The following ADTRP variants were observed in gnomAD, a reference collection of about 807,000 sequenced individuals.
ADTRP encodes androgen-dependent TFPI-regulating protein.
A neutral mutation model predicts 27.0 loss-of-function variants in ADTRP; 20 were observed. That is an observed-to-expected ratio of 0.74 (90% confidence interval 0.52 to 1.08). ADTRP has a LOEUF of 1.08. ADTRP is among the 50% of genes least tolerant of loss of function. The pLI, the probability that ADTRP is intolerant of heterozygous loss-of-function variation, is 0.00. For missense variants in ADTRP, 251 were observed against 275.0 expected (o/e 0.91, Z 0.62); for synonymous variants, 101 against 105.2 (o/e 0.96, Z 0.25).
intron 4 of ADTRP, among the ~76,000 whole-genome samples, chr6:11,727,450 T>C (rs944263706): frequency 2.0e-5 from 3 of 152,144 alleles, no homozygotes; most frequent in Non-Finnish European, 4.4e-5. Flanking sequence ...TTCAAGTAGA[T>C]AGGGCTAGGA....
chr6:11,731,847 T>G (rs920570337), intron 4 of ADTRP, among the ~76,000 whole-genome samples: 4 of 152,202 alleles, frequency 2.6e-5, no homozygotes, highest in Non-Finnish European at 5.9e-5. Context: ...ATAAACCCCC[T>G]GCAGGCTGAA....
intron 3 of ADTRP, among the ~76,000 whole-genome samples, chr6:11,752,805 A>G (rs927286885): frequency 1.3e-5 from 2 of 152,178 alleles, no homozygotes; most frequent in African/African-American, 2.4e-5. Flanking sequence ...CTGGAACCAT[A>G]TGGAGAAAGG....
intron 1 of ADTRP, among the ~76,000 whole-genome samples, chr6:11,777,246 TTGTGTG>T (rs3830754): frequency 6.6e-6 from 1 of 150,634 alleles, no homozygotes; most frequent in Non-Finnish European, 1.5e-5. Flanking sequence ...TCAGGATCAG[TTGTGTG>T]TGTGTGTGTG....
At chr6:11,758,579 G>GC (rs529436971) in intron 3 of ADTRP, among the ~76,000 whole-genome samples, 1 of 116,796 alleles carries the variant, frequency 8.6e-6, no homozygotes, top group Non-Finnish European at 1.8e-5. Context: ...GTGGGGTGGG[G>GC]GGGGGGGACG....
chr6:11,716,973 G>A (rs1761853649), intron 5 of ADTRP, among the ~76,000 whole-genome samples: 1 of 146,056 alleles, frequency 6.8e-6, no homozygotes, highest in South Asian at 2.2e-4. Flanking sequence ...TGATCCACCC[G>A]CCTCGGCCTC....
At chr6:11,729,102 G>A (rs777971446) in intron 4 of ADTRP, among the ~76,000 whole-genome samples, 11 of 152,126 alleles carry the variant, frequency 7.2e-5, no homozygotes, top group South Asian at 2.1e-4. Flanking sequence ...TAACTTCTGC[G>A]TCTTATCAGT....
At chr6:11,776,699 G>A (rs1338057383) in intron 1 of ADTRP, among the ~76,000 whole-genome samples, 1 of 152,198 alleles carries the variant, frequency 6.6e-6, no homozygotes, top group Admixed American at 6.5e-5. Context: ...ACCGGGCAGA[G>A]AAGTGACAGC....
At chr6:11,743,135 C>T (rs1762768369) in intron 3 of ADTRP, among the ~76,000 whole-genome samples, 2 of 152,378 alleles carry the variant, frequency 1.3e-5, no homozygotes, top group Non-Finnish European at 2.9e-5. Context: ...CTTTGGTCTG[C>T]ACTCAATGCT....
chr6:11,772,707 T>C (rs752493002), intron 1 of ADTRP, among the ~76,000 whole-genome samples: 9 of 152,166 alleles, frequency 5.9e-5, no homozygotes, highest in Non-Finnish European at 1.0e-4. Context: ...AAAACAGCAA[T>C]TGGGGGCTGT....
chr6:11,764,439 T>C (rs1763488622), intron 3 of ADTRP, among the ~76,000 whole-genome samples: 2 of 152,216 alleles, frequency 1.3e-5, no homozygotes, highest in African/African-American at 2.4e-5. Context: ...AAGATACTTA[T>C]AAGACTCTGC....
At chr6:11,777,577 T>C (rs1016401226) in intron 1 of ADTRP, among the ~76,000 whole-genome samples, 4 of 152,322 alleles carry the variant, frequency 2.6e-5, no homozygotes, top group African/African-American at 7.2e-5. Context: ...AATTCCATGA[T>C]TGAAACAAGT....
Position 11,778,702 on chromosome 6 carries a change from G to A in ADTRP, c.58C>T (p.Leu20Phe). ...CCTTCCTGTGAGATGTAATAATTGA[G>A]GAAAGTATACCAGCTCAGAACAAGG... The part of the protein sequence containing the change: ...HFLVLSWYTF[L>F]NYYISQEGKD... The change falls in exon 1 of 6, where the codon CTC becomes TTC. Residue 20 changes from leucine to phenylalanine, a missense_variant. Leu to Phe is a conservative substitution (Grantham distance 22, BLOSUM62 0). Transcript: ENST00000414691. The A allele has an allele frequency of 1.2e-6, 2 of 1,614,182 alleles. No individual in the cohort carries two copies. Among genetic ancestry groups the A allele is most frequent in the Non-Finnish European group, 1.7e-6 (2 of 1,180,024 alleles).
At chr6:11,739,862 T>G (rs923170020) in intron 3 of ADTRP, among the ~76,000 whole-genome samples, 2 of 152,172 alleles carry the variant, frequency 1.3e-5, no homozygotes, top group African/African-American at 4.8e-5. Context: ...AACTGAATCT[T>G]TAAGGCTAGG....
intron 2 of ADTRP, among the ~76,000 whole-genome samples, chr6:11,768,048 G>C (rs570655501): frequency 6.6e-6 from 1 of 152,208 alleles, no homozygotes; most frequent in South Asian, 2.1e-4. Context: ...AGGTACAAAA[G>C]CTAGTGATAA....
At chr6:11,768,623 T>C (rs979537956) in intron 1 of ADTRP, among the ~76,000 whole-genome samples, 9 of 152,026 alleles carry the variant, frequency 5.9e-5, no homozygotes, top group Non-Finnish European at 1.3e-4. Flanking sequence ...GTATTTAGTG[T>C]AATGGACTTG....
intron 4 of ADTRP, among the ~76,000 whole-genome samples, chr6:11,731,900 A>T (rs1486547801): frequency 1.3e-5 from 2 of 152,146 alleles, no homozygotes; most frequent in Non-Finnish European, 2.9e-5. Flanking sequence ...AGGACCAACC[A>T]TGTGTTAGGG....
At chr6:11,735,433 C>T (rs565289964) in intron 4 of ADTRP, 135 bp downstream of exon 4, 131 of 666,452 alleles carry the variant, frequency 2.0e-4, no homozygotes, top group Middle Eastern at 1.8e-3. Flanking sequence ...ATGCTTCTTA[C>T]CTGGAAATGT....
At chr6:11,718,678 G>A (rs1256372703) in intron 5 of ADTRP, among the ~76,000 whole-genome samples, 1 of 152,166 alleles carries the variant, frequency 6.6e-6, no homozygotes, top group Non-Finnish European at 1.5e-5. Flanking sequence ...CCAAAAAGTA[G>A]AAATTGAATC....
chr6:11,762,192 C>CTAGG (rs1763410554), intron 3 of ADTRP, among the ~76,000 whole-genome samples: 1 of 152,232 alleles, frequency 6.6e-6, no homozygotes, highest in South Asian at 2.1e-4. Context: ...CAAAGGCCAT[C>CTAGG]CAGGCCAACT....
Sources: gnomAD v4.1 joint callset for allele counts (sites outside exome capture counted in the v4.1 genomes callset) on GRCh38, gnomAD v4.1.1 for gene constraint, MANE v1.5 for transcripts, NCBI Gene and HGNC (gene_info 2026-07-23, HGNC 2026-07-21) for gene names.